The following COL14A1 variants were observed in gnomAD, a reference collection of about 807,000 sequenced individuals.
COL14A1 encodes the protein collagen type XIV alpha 1 chain.
COL14A1 carries 136 observed loss-of-function variants against 230.3 expected under a neutral mutation model. That is an observed-to-expected ratio of 0.59 (90% CI 0.51 to 0.68). COL14A1 has a LOEUF of 0.68. Among genes scored for constraint, COL14A1 ranks in the 30% least tolerant of loss-of-function variants. The probability of loss-of-function intolerance (pLI) is 0.00; values close to 1 mark genes in which losing one functional copy is unlikely to be tolerated. For missense variants in COL14A1, 1,976 were observed against 2,215.8 expected (o/e 0.89, Z 2.17); for synonymous variants, 792 against 784.1 (o/e 1.01, Z -0.17).
rs768663110 is a variant in COL14A1 at position 120,345,584 on chromosome 8, C to T, written c.5077+21C>T. ...ACGAGGTAAGCTGGGCCCCTTCTCTCAGAGGAACTCCTCTGAGTTGGGTGC... is the reference window on the plus strand; with the variant it reads ...ACGAGGTAAGCTGGGCCCCTTCTCTTAGAGGAACTCCTCTGAGTTGGGTGC... On this transcript the variant is annotated intron_variant, in intron 45 of 47. Transcript: ENST00000297848. 12 of 1,502,354 alleles carry T rather than the reference C, an allele frequency of 8.0e-6. No homozygotes were observed. In the South Asian group the frequency reaches 1.5e-4, roughly 19 times the overall value. 93.1% of individuals were successfully genotyped at this position (1,502,354 alleles called of 1,614,324 possible). A position where few individuals can be genotyped will look rare whatever the true frequency, so the allele number is the denominator to read the frequency against.
chr8:120,186,877 A>G (rs527861687), intron 5 of COL14A1, among the ~76,000 whole-genome samples: 1 of 152,350 alleles, frequency 6.6e-6, no homozygotes, highest in South Asian at 2.1e-4. Flanking sequence ...AGTCCTCCCC[A>G]GTCAAGGAGT....
At chr8:120,192,620 G>A (rs1366784475) in intron 5 of COL14A1, among the ~76,000 whole-genome samples, 1 of 152,134 alleles carries the variant, frequency 6.6e-6, no homozygotes, top group Admixed American at 6.5e-5. Flanking sequence ...AAGTTCTCCT[G>A]GATAATATCT....
At chr8:120,172,462 C>A (rs2130599335) in intron 5 of COL14A1, among the ~76,000 whole-genome samples, 1 of 152,096 alleles carries the variant, frequency 6.6e-6, no homozygotes, top group Admixed American at 6.6e-5. Flanking sequence ...GGGTTAAATT[C>A]TCGTTGCTTG....
intron 34 of COL14A1, among the ~76,000 whole-genome samples, chr8:120,290,380 C>G (rs1285983805): frequency 7.5e-6 from 1 of 133,514 alleles, no homozygotes; most frequent in African/African-American, 3.1e-5. Context: ...AATCACATTC[C>G]CATCACTCAT....
intron 44 of COL14A1, among the ~76,000 whole-genome samples, chr8:120,342,682 G>A (rs1822348869): frequency 6.6e-6 from 1 of 152,112 alleles, no homozygotes; most frequent in African/African-American, 2.4e-5. Flanking sequence ...TCCAAGAACT[G>A]CCTGTTTGCC....
chr8:120,365,599 A>T (rs1358917921), intron 45 of COL14A1, among the ~76,000 whole-genome samples: 1 of 152,212 alleles, frequency 6.6e-6, no homozygotes, highest in Non-Finnish European at 1.5e-5. Flanking sequence ...CTGTCTGAAC[A>T]ACTTGATTAG....
intron 5 of COL14A1, among the ~76,000 whole-genome samples, chr8:120,195,893 T>A (rs1332666815): frequency 2.0e-5 from 3 of 152,148 alleles, no homozygotes; most frequent in Non-Finnish European, 4.4e-5. Flanking sequence ...TGTGAAACAC[T>A]TGGAGAATAT....
chr8:120,288,742 G>A (rs1211639310), intron 33 of COL14A1, among the ~76,000 whole-genome samples: 1 of 152,070 alleles, frequency 6.6e-6, no homozygotes, highest in East Asian at 1.9e-4. Flanking sequence ...ATCTTAAACA[G>A]ATTTGTAACT....
intron 4 of COL14A1, 107 bp downstream of exon 4, chr8:120,162,676 T>C: frequency 5.0e-6 from 5 of 1,004,650 alleles, no homozygotes; most frequent in Non-Finnish European, 6.9e-6. Flanking sequence ...TTTTCAGATT[T>C]ATAGAGATCC....
At chr8:120,300,620 T>A in intron 35 of COL14A1, 112 bp from the exon 36 acceptor site, 1 of 784,554 alleles carries the variant, frequency 1.3e-6, no homozygotes, top group South Asian at 1.7e-5. Flanking sequence ...GCCTTTCTAA[T>A]GTGCACTTGA....
At chr8:120,163,329 A>G (rs1815753587) in intron 4 of COL14A1, among the ~76,000 whole-genome samples, 1 of 152,208 alleles carries the variant, frequency 6.6e-6, no homozygotes, top group African/African-American at 2.4e-5. Flanking sequence ...TGTTTGAGCC[A>G]GTTCTCAAAT....
At position 120,197,914 on chromosome 8, in the gene COL14A1, A is replaced by T; in HGVS notation, c.696A>T (p.Gly232=). ...IEAVRNLPYK[G]GNTLTGLALN... The stretch of plus-strand genomic sequence containing the variant: ...CTGTCCGAAACCTCCCATATAAAGG[A>T]GGAAATACACTAACAGGTATGTTTT... The change falls in exon 7 of 48, where the codon GGA becomes GGT. Residue 232 remains glycine, a synonymous_variant. Transcript: ENST00000297848. 2 of 1,613,618 alleles carry T rather than the reference A, an allele frequency of 1.2e-6. No individual in the cohort carries two copies. Among genetic ancestry groups the T allele is most frequent in the Non-Finnish European group, 1.7e-6 (2 of 1,179,638 alleles).
intron 19 of COL14A1, among the ~76,000 whole-genome samples, chr8:120,243,169 A>G (rs1364647175): frequency 6.6e-6 from 1 of 152,174 alleles, no homozygotes; most frequent in East Asian, 1.9e-4. Context: ...GAGGTGGCAG[A>G]GTTCACAAGC....
chr8:120,279,673 T>A (rs1476550501), intron 28 of COL14A1, among the ~76,000 whole-genome samples: 2 of 152,130 alleles, frequency 1.3e-5, no homozygotes, highest in African/African-American at 4.8e-5. Flanking sequence ...AAATGCAAAC[T>A]ACTTCGTCTC....
chr8:120,351,134 A>T (rs1272475631), intron 45 of COL14A1, among the ~76,000 whole-genome samples: 49 of 142,906 alleles, frequency 3.4e-4, no homozygotes, highest in African/African-American at 1.3e-3. Context: ...CTCCTGAATG[A>T]CTACTGGGTA....
rs1442065612 is a variant in COL14A1, at chr8:120,285,910, T to A, written c.4017T>A (p.Phe1339Leu). The A allele has an allele frequency of 6.2e-7, 1 of 1,611,992 alleles. No individual in the cohort carries two copies. The highest frequency in any genetic ancestry group is 8.5e-7 in the Non-Finnish European group (1 of 1,178,414). The change falls in exon 33 of 48, where the codon TTT becomes TTA. Residue 1339 changes from phenylalanine (F) to leucine (L), a missense_variant. Phe to Leu is a conservative substitution (Grantham distance 22). Transcript: ENST00000297848. ...TYFNYDQSGD[F>L]QTVTFEGPEI... is the part of the protein sequence containing the mutation. ...TCAACTATGACCAGAGTGGGGATTT[T>A]CAAACTGTTACTTTCGAAGGACCTG...
chr8:120,338,597 C>T (rs1051659518), intron 42 of COL14A1, among the ~76,000 whole-genome samples: 3 of 152,030 alleles, frequency 2.0e-5, no homozygotes, highest in African/African-American at 7.2e-5. Flanking sequence ...ATTGTAAGCA[C>T]TAAATAAGTT....
chr8:120,133,421 A>T (rs10099344), intron 1 of COL14A1, among the ~76,000 whole-genome samples: 1,636 of 152,264 alleles, frequency 0.011, 27 homozygotes, highest in African/African-American at 0.036. Context: ...TAGTAAATAG[A>T]ACCCAAAAGA....
chr8:120,193,487 G>A (rs189119660), intron 5 of COL14A1, among the ~76,000 whole-genome samples: 1 of 152,174 alleles, frequency 6.6e-6, no homozygotes, highest in Non-Finnish European at 1.5e-5. Context: ...AGGCTGCTTG[G>A]GGGTCAGCGG....
Sources: gnomAD v4.1 joint callset for allele counts (sites outside exome capture counted in the v4.1 genomes callset) on GRCh38, gnomAD v4.1.1 for gene constraint, MANE v1.5 for transcripts, NCBI Gene and HGNC (gene_info 2026-07-23, HGNC 2026-07-21) for gene names.